Variants in PARD3 observed in about 807,000 individuals in gnomAD.
The protein encoded by PARD3 is par-3 family cell polarity regulator.
Under a neutral mutation model 155.4 loss-of-function variants are expected in PARD3, and 75 were observed. The ratio of observed to expected loss-of-function variants is 0.48; its 90% CI spans 0.40 to 0.58. The LOEUF is 0.58. PARD3 is among the 20% of genes least tolerant of loss of function. The pLI is 0.00. For missense variants in PARD3, 1,642 were observed against 1,721.7 expected, an observed-to-expected ratio of 0.95 and a Z score of 0.82; for synonymous variants, 576 against 610.5, an observed-to-expected ratio of 0.94 and a Z score of 0.83.
intron 2 of PARD3, among the ~76,000 whole-genome samples, chr10:34,528,712 A>C (rs2082636932): frequency 6.6e-6 from 1 of 152,176 alleles, no homozygotes; most frequent in Non-Finnish European, 1.5e-5. Flanking sequence ...AGCCATATAG[A>C]CTTTATCCTG....
At chr10:34,273,909 C>G (rs781455994) in intron 21 of PARD3, among the ~76,000 whole-genome samples, 13 of 152,042 alleles carry the variant, frequency 8.6e-5, no homozygotes, top group Admixed American at 7.9e-4. Context: ...ATAAATTCAC[C>G]TAGCTCAGTG....
intron 19 of PARD3, among the ~76,000 whole-genome samples, chr10:34,320,610 C>T (rs1388362970): frequency 2.0e-5 from 3 of 152,246 alleles, no homozygotes; most frequent in East Asian, 3.9e-4. Context: ...GCTGAAGTCA[C>T]GTTTGTTGCC....
chr10:34,758,408 G>A (rs1314754454), intron 1 of PARD3, among the ~76,000 whole-genome samples: 1 of 152,190 alleles, frequency 6.6e-6, no homozygotes, highest in East Asian at 1.9e-4. Context: ...GAAAGTGGCA[G>A]AGCATTATTC....
intron 2 of PARD3, among the ~76,000 whole-genome samples, chr10:34,587,843 AG>A (rs1349673658): frequency 2.0e-5 from 3 of 152,172 alleles, no homozygotes; most frequent in Non-Finnish European, 4.4e-5. Flanking sequence ...AAGTGCCCTG[AG>A]ATAATTTCCA....
At chr10:34,673,725 C>T (rs919577276) in intron 2 of PARD3, among the ~76,000 whole-genome samples, 2 of 152,138 alleles carry the variant, frequency 1.3e-5, no homozygotes, top group Non-Finnish European at 2.9e-5. Flanking sequence ...CAAAGTTATT[C>T]TCTCTACTAC....
chr10:34,145,211 ATATATATATATTTTTT>A (rs1948421546), intron 22 of PARD3, among the ~76,000 whole-genome samples: 1 of 64,628 alleles, frequency 1.5e-5, no homozygotes, highest in Non-Finnish European at 2.8e-5. Flanking sequence ...ATATATATAT[ATATATATATATTTTTT>A]TTTTTTTTTT....
rs868050171 is a variant in PARD3 at position 34,666,794 on chromosome 10, A to T, written c.222+29524T>A. On this transcript the variant is annotated intron_variant, in intron 2 of 24. Transcript: ENST00000374788. ...CCTCCCCCTAAAAAAAAAAAAAAAA[A>T]AAATATATATATATATATATATACA... is the stretch of plus-strand genomic sequence containing the variant. Among the ~76,000 whole-genome samples, 385 of 84,884 alleles carry T rather than the reference A, an allele frequency of 4.5e-3. 9 individuals carry two copies. The highest frequency in any genetic ancestry group is 0.025 in the Admixed American group (218 of 8,778). 55.7% of individuals were successfully genotyped at this position (84,884 alleles called of 152,430 possible).
intron 1 of PARD3, among the ~76,000 whole-genome samples, chr10:34,733,180 A>C (rs1007472792): frequency 4.6e-5 from 7 of 152,168 alleles, no homozygotes; most frequent in African/African-American, 1.4e-4. Context: ...CTTTATACCA[A>C]AGTTCAAAGT....
intron 10 of PARD3, 23 bp from the exon 11 acceptor site, chr10:34,375,025 A>T (rs775186306): frequency 6.3e-7 from 1 of 1,599,242 alleles, no homozygotes; most frequent in East Asian, 2.2e-5. Flanking sequence ...AAAAGTTTTC[A>T]GCTGTAATCC....
At chr10:34,597,553 C>T (rs1227156153) in intron 2 of PARD3, among the ~76,000 whole-genome samples, 2 of 152,098 alleles carry the variant, frequency 1.3e-5, no homozygotes, top group African/African-American at 4.8e-5. Context: ...CTCAGCCTCC[C>T]AAGTAGCTGG....
At chr10:34,188,652 A>G (rs1000321020) in intron 22 of PARD3, among the ~76,000 whole-genome samples, 1 of 152,178 alleles carries the variant, frequency 6.6e-6, no homozygotes, top group African/African-American at 2.4e-5. Flanking sequence ...AGTTTCACAC[A>G]CTTGAATGTG....
intron 14 of PARD3, among the ~76,000 whole-genome samples, chr10:34,351,752 A>G (rs114212768): frequency 2.4e-3 from 371 of 152,378 alleles, no homozygotes; most frequent in African/African-American, 8.1e-3. Context: ...ACTGGGATAT[A>G]AAGTGCCTGA....
chr10:34,111,909 T>C (rs1946404114), intron 24 of PARD3, among the ~76,000 whole-genome samples: 1 of 152,192 alleles, frequency 6.6e-6, no homozygotes, highest in African/African-American at 2.4e-5. Flanking sequence ...AGTATAGAAG[T>C]ATTAGAGGTT....
At chr10:34,238,306 ACTT>A (rs1423377243) in intron 22 of PARD3, among the ~76,000 whole-genome samples, 2 of 152,220 alleles carry the variant, frequency 1.3e-5, no homozygotes, top group Non-Finnish European at 2.9e-5. Context: ...AAATGTGCTC[ACTT>A]CTTCCTCAAA....
chr10:34,335,890 G>A (rs1267292198), intron 18 of PARD3, among the ~76,000 whole-genome samples: 4 of 151,966 alleles, frequency 2.6e-5, no homozygotes, highest in Non-Finnish European at 4.4e-5. Context: ...AACAGATCAC[G>A]TTTGCAGGAT....
chr10:34,422,531 G>C (rs1044594581), intron 5 of PARD3, among the ~76,000 whole-genome samples: 4 of 151,764 alleles, frequency 2.6e-5, no homozygotes, highest in African/African-American at 9.7e-5. Context: ...TTATATATCT[G>C]GTAAGAGATT....
intron 22 of PARD3, among the ~76,000 whole-genome samples, chr10:34,140,033 G>A (rs1241201928): frequency 6.6e-6 from 1 of 152,096 alleles, no homozygotes; most frequent in Non-Finnish European, 1.5e-5. Context: ...CTGTAAATTA[G>A]TGAGCAAACA....
At chr10:34,147,151 A>G (rs1000042116) in intron 22 of PARD3, among the ~76,000 whole-genome samples, 1 of 152,120 alleles carries the variant, frequency 6.6e-6, no homozygotes, top group Non-Finnish European at 1.5e-5. Flanking sequence ...TTTGTAGAAA[A>G]AAAGGACGAA....
At chr10:34,192,516 G>C (rs1044201949) in intron 22 of PARD3, among the ~76,000 whole-genome samples, 2 of 152,142 alleles carry the variant, frequency 1.3e-5, no homozygotes, top group Admixed American at 6.5e-5. Context: ...TACTTTGCTT[G>C]TTGCTTAATG....
Sources: allele counts gnomAD v4.1 joint callset (sites outside exome capture counted in the v4.1 genomes callset), GRCh38; gene constraint gnomAD v4.1.1; transcripts MANE v1.5; gene names NCBI Gene and HGNC (gene_info 2026-07-23, HGNC 2026-07-21).